The following ADAMTS6 variants were observed in gnomAD, a reference collection of about 807,000 sequenced individuals.
The protein encoded by ADAMTS6 is ADAM metallopeptidase with thrombospondin type 1 motif 6.
In ADAMTS6, 23 loss-of-function variants were observed where a neutral mutation model predicts 144.3. That is an observed-to-expected ratio of 0.16 (90% CI 0.11 to 0.23). The LOEUF is 0.23. ADAMTS6 is among the 10% of genes least tolerant of loss of function. ADAMTS6 has a pLI of 1.00. For missense variants in ADAMTS6, 999 were observed against 1,379.6 expected, an observed-to-expected ratio of 0.72 and a Z score of 4.37; for synonymous variants, 444 against 457.5, an observed-to-expected ratio of 0.97 and a Z score of 0.38.
At chr5:65,341,098 C>T (rs1421751930) in intron 7 of ADAMTS6, among the ~76,000 whole-genome samples, 1 of 151,734 alleles carries the variant, frequency 6.6e-6, no homozygotes, top group Non-Finnish European at 1.5e-5. Flanking sequence ...ACAACATGCT[C>T]CTGAATAACA....
intron 11 of ADAMTS6, among the ~76,000 whole-genome samples, chr5:65,281,487 A>G (rs1463193538): frequency 2.0e-5 from 3 of 152,242 alleles, no homozygotes; most frequent in East Asian, 3.9e-4. Flanking sequence ...CATTATTATT[A>G]CTGAACTTCC....
intron 7 of ADAMTS6, among the ~76,000 whole-genome samples, chr5:65,402,098 A>T (rs1414869490): frequency 6.6e-6 from 1 of 151,944 alleles, no homozygotes; most frequent in South Asian, 2.1e-4. Flanking sequence ...CAAGCATTGC[A>T]CTCTCTACCA....
At chr5:65,177,674 T>C (rs1677170255) in intron 22 of ADAMTS6, among the ~76,000 whole-genome samples, 1 of 152,242 alleles carries the variant, frequency 6.6e-6, no homozygotes, top group African/African-American at 2.4e-5. Context: ...TCGAGGATCA[T>C]AAAAGTTAAA....
chr5:65,281,817 A>G (rs1763008850), intron 11 of ADAMTS6, among the ~76,000 whole-genome samples: 1 of 152,306 alleles, frequency 6.6e-6, no homozygotes, highest in Admixed American at 6.5e-5. Context: ...GAACTAAAAT[A>G]GGGCTTTTTT....
At chr5:65,461,422 T>C (rs534737358) in intron 3 of ADAMTS6, among the ~76,000 whole-genome samples, 39 of 152,352 alleles carry the variant, frequency 2.6e-4, no homozygotes, top group Middle Eastern at 6.8e-3. Flanking sequence ...CCACATGTAA[T>C]AGGTATAAAT....
chr5:65,205,358 C>T (rs1291947393), intron 20 of ADAMTS6, among the ~76,000 whole-genome samples: 4 of 152,144 alleles, frequency 2.6e-5, no homozygotes, highest in Non-Finnish European at 4.4e-5. Context: ...ATGTGTTAGA[C>T]ATCTTAGAAT....
chr5:65,406,918 GAA>G (rs1411868298), intron 7 of ADAMTS6, among the ~76,000 whole-genome samples: 2 of 152,138 alleles, frequency 1.3e-5, no homozygotes, highest in African/African-American at 2.4e-5. Flanking sequence ...AATGAAGCGA[GAA>G]GAGAAGTTTA....
At chr5:65,355,251 A>T (rs1300477932) in intron 7 of ADAMTS6, among the ~76,000 whole-genome samples, 1 of 151,898 alleles carries the variant, frequency 6.6e-6, no homozygotes, top group Admixed American at 6.6e-5. Context: ...TTAAAACTGT[A>T]CAAGGACGAG....
At chr5:65,243,582 TA>T (rs1489159006) in intron 14 of ADAMTS6, among the ~76,000 whole-genome samples, 2 of 151,818 alleles carry the variant, frequency 1.3e-5, no homozygotes, top group African/African-American at 2.4e-5. Context: ...TGCTTGCCTT[TA>T]AAAAAAATGA....
At chr5:65,304,972 T>A (rs1184540022) in intron 9 of ADAMTS6, among the ~76,000 whole-genome samples, 1 of 151,964 alleles carries the variant, frequency 6.6e-6, no homozygotes, top group Non-Finnish European at 1.5e-5. Flanking sequence ...AATTGGAGTA[T>A]GAACTGTATA....
chr5:65,335,395 T>A (rs975675851), intron 7 of ADAMTS6, among the ~76,000 whole-genome samples: 2 of 152,144 alleles, frequency 1.3e-5, no homozygotes, highest in African/African-American at 4.8e-5. Flanking sequence ...AGTGTACTCA[T>A]CGAAGCACCA....
At chr5:65,338,872 C>T (rs996665293) in intron 7 of ADAMTS6, among the ~76,000 whole-genome samples, 1 of 152,116 alleles carries the variant, frequency 6.6e-6, no homozygotes, top group African/African-American at 2.4e-5. Flanking sequence ...GACTTGCCAC[C>T]AAGCCAGCTG....
chr5:65,190,018 T>C (rs1754909850), intron 21 of ADAMTS6, among the ~76,000 whole-genome samples: 1 of 152,236 alleles, frequency 6.6e-6, no homozygotes, highest in Non-Finnish European at 1.5e-5. Context: ...GCCAGTTTTG[T>C]ATACGGAAGA....
At chr5:65,261,030 T>G (rs1196422973) in intron 13 of ADAMTS6, among the ~76,000 whole-genome samples, 1 of 152,102 alleles carries the variant, frequency 6.6e-6, no homozygotes, top group Non-Finnish European at 1.5e-5. Flanking sequence ...TAAATCATAT[T>G]CAACAAAATC....
At chr5:65,232,748 C>G (rs1454558488) in intron 15 of ADAMTS6, among the ~76,000 whole-genome samples, 1 of 150,578 alleles carries the variant, frequency 6.6e-6, no homozygotes, top group Non-Finnish European at 1.5e-5. Context: ...TTATACTTCA[C>G]CAGTGAATTA....
At chr5:65,339,287 T>C (rs1747598566) in intron 7 of ADAMTS6, among the ~76,000 whole-genome samples, 1 of 152,136 alleles carries the variant, frequency 6.6e-6, no homozygotes, top group Non-Finnish European at 1.5e-5. Flanking sequence ...ACAATACTAC[T>C]GTGTCTATCT....
At chr5:65,294,499 T>G (rs1345193315) in intron 10 of ADAMTS6, among the ~76,000 whole-genome samples, 1 of 152,208 alleles carries the variant, frequency 6.6e-6, no homozygotes, top group East Asian at 1.9e-4. Flanking sequence ...CATGAACCAC[T>G]GCATCTGGCC....
intron 7 of ADAMTS6, among the ~76,000 whole-genome samples, chr5:65,384,290 T>C (rs1483911347): frequency 6.6e-6 from 1 of 152,182 alleles, no homozygotes; most frequent in African/African-American, 2.4e-5. Context: ...TATTATAAAT[T>C]CCATCTTTAA....
chr5:65,328,101 T>A (rs962129478), intron 9 of ADAMTS6, among the ~76,000 whole-genome samples: 3 of 152,152 alleles, frequency 2.0e-5, no homozygotes, highest in African/African-American at 7.2e-5. Flanking sequence ...AGTGTAATAC[T>A]GACTTTTCCT....
Sources: gnomAD v4.1 joint callset for allele counts (sites outside exome capture counted in the v4.1 genomes callset) on GRCh38, gnomAD v4.1.1 for gene constraint, MANE v1.5 for transcripts, NCBI Gene and HGNC (gene_info 2026-07-23, HGNC 2026-07-21) for gene names.